The following KREMEN1 variants were observed in gnomAD, a reference collection of about 807,000 sequenced individuals.
KREMEN1 encodes kremen protein 1.
Under a neutral mutation model 46.5 loss-of-function variants are expected in KREMEN1, and 30 were observed. The observed-to-expected ratio is 0.65, with a 90% CI of 0.48 to 0.88. KREMEN1 has a LOEUF of 0.88. Among genes scored for constraint, KREMEN1 ranks in the 40% least tolerant of loss-of-function variants. KREMEN1 has a pLI of 0.00. For missense variants in KREMEN1, 533 were observed against 596.9 expected, an observed-to-expected ratio of 0.89 and a Z score of 1.11; for synonymous variants, 214 against 230.6, an observed-to-expected ratio of 0.93 and a Z score of 0.65.
intron 3 of KREMEN1, among the ~76,000 whole-genome samples, chr22:29,101,636 T>C (rs1336930757): frequency 6.6e-6 from 1 of 152,238 alleles, no homozygotes. Context: ...GTATTTGTAC[T>C]GTACCTTTTC....
chr22:29,084,189 A>C (rs2037698428), intron 1 of KREMEN1, among the ~76,000 whole-genome samples: 1 of 152,156 alleles, frequency 6.6e-6, no homozygotes, highest in South Asian at 2.1e-4. Flanking sequence ...GAGGATGACC[A>C]GAGGTCACTT....
downstream of KREMEN1, among the ~76,000 whole-genome samples, chr22:29,146,982 A>G (rs77828608): frequency 0.018 from 2,671 of 152,194 alleles, 73 homozygotes; most frequent in African/African-American, 0.061. Flanking sequence ...GTCTTGTGAC[A>G]GCTTCGACCC....
chr22:29,135,056 CCTT>C (rs1236152401), intron 5 of KREMEN1, among the ~76,000 whole-genome samples: 2 of 152,182 alleles, frequency 1.3e-5, no homozygotes, highest in African/African-American at 2.4e-5. Flanking sequence ...ATTCCCACAC[CCTT>C]CTTCTCTCCC....
chr22:29,112,121 C>G (rs528568837), intron 3 of KREMEN1, among the ~76,000 whole-genome samples: 5 of 152,168 alleles, frequency 3.3e-5, no homozygotes, highest in African/African-American at 1.2e-4. Context: ...TCTTCCTCTT[C>G]GTGGACCAGC....
chr22:29,152,707 T>C (rs1312156125), intron 9 of KREMEN1, among the ~76,000 whole-genome samples: 2 of 152,068 alleles, frequency 1.3e-5, no homozygotes, highest in East Asian at 3.9e-4. Context: ...AACCTTTCCT[T>C]TTTTTCCTCT....
At chr22:29,101,196 G>A (rs1028779851) in intron 3 of KREMEN1, among the ~76,000 whole-genome samples, 1 of 140,706 alleles carries the variant, frequency 7.1e-6, no homozygotes, top group Admixed American at 7.5e-5. Flanking sequence ...AGATTGCACT[G>A]AGCTGAGATC....
At chr22:29,125,963 G>A (rs1215062477) in intron 5 of KREMEN1, among the ~76,000 whole-genome samples, 4 of 152,048 alleles carry the variant, frequency 2.6e-5, no homozygotes, top group Non-Finnish European at 5.9e-5. Flanking sequence ...GAATGGGAGT[G>A]GATCCAGGGC....
chr22:29,155,250 G>A (rs1390030747), intron 9 of KREMEN1, among the ~76,000 whole-genome samples: 1 of 152,180 alleles, frequency 6.6e-6, no homozygotes, highest in East Asian at 1.9e-4. Context: ...GAAGACAGGA[G>A]GAGGCCAGGG....
intron 3 of KREMEN1, among the ~76,000 whole-genome samples, chr22:29,106,225 T>C (rs950727496): frequency 6.6e-6 from 1 of 151,828 alleles, no homozygotes; most frequent in African/African-American, 2.4e-5. Context: ...TATCTTTTTT[T>C]TTTTTTTCTT....
intron 9 of KREMEN1, among the ~76,000 whole-genome samples, chr22:29,165,576 A>T (rs2039046249): frequency 6.6e-6 from 1 of 152,176 alleles, no homozygotes; most frequent in African/African-American, 2.4e-5. Context: ...GTGTTACTTC[A>T]TGATCCTGTT....
chr22:29,136,900 G>C (rs994513076), intron 5 of KREMEN1, among the ~76,000 whole-genome samples: 2 of 152,148 alleles, frequency 1.3e-5, no homozygotes, highest in Non-Finnish European at 2.9e-5. Flanking sequence ...TTACCTCATC[G>C]GGTGGCTTCC....
chr22:29,153,719 G>T (rs2038936550), intron 9 of KREMEN1, among the ~76,000 whole-genome samples: 1 of 151,986 alleles, frequency 6.6e-6, no homozygotes, highest in Admixed American at 6.5e-5. Context: ...GGTGGCTCAT[G>T]CCTATAATCC....
Position 29,073,292 on chromosome 22 carries a change from G to A in KREMEN1, c.97+65G>A. The A allele has an allele frequency of 4.2e-6, 3 of 711,956 alleles. No individual in the cohort carries two copies. The highest frequency in any genetic ancestry group is 3.7e-6 in the Non-Finnish European group (2 of 540,036). 44.1% of individuals were successfully genotyped at this position (711,956 alleles called of 1,614,324 possible). A position where few individuals can be genotyped will look rare whatever the true frequency, so the allele number is the denominator to read the frequency against. ...GCCCACTCGAGGGGCGACAAGGGCC[G>A]GCCGGCCTGAGAGCCCCCTCCCTCC... is the stretch of plus-strand genomic sequence containing the variant. On this transcript the variant is annotated intron_variant, in intron 1 of 8. Transcript: ENST00000400335. This position sits in a 1 kb window ranked among gnomAD's most constrained non-coding sequence, Gnocchi z 4.4.
chr22:29,165,298 G>C (rs564506860), intron 9 of KREMEN1, among the ~76,000 whole-genome samples: 27 of 152,006 alleles, frequency 1.8e-4, no homozygotes, highest in Admixed American at 5.2e-4. Flanking sequence ...TAGTCCTCCG[G>C]AGGCTGAGAC....
intron 6 of KREMEN1, 135 bp from the exon 7 acceptor site, chr22:29,138,489 G>A: frequency 2.3e-6 from 2 of 861,738 alleles, no homozygotes; most frequent in Non-Finnish European, 3.8e-6. Context: ...GGGCTGGTGG[G>A]ACCCACCTAT....
At chr22:29,121,330 A>T (rs995576531) in intron 3 of KREMEN1, 27 bp from the exon 4 acceptor site, 1 of 1,611,932 alleles carries the variant, frequency 6.2e-7, no homozygotes, top group Admixed American at 1.7e-5. Context: ...ATGTTGCGAA[A>T]TTCTTTTGTT....
chr22:29,141,209 A>G (rs1168963695), intron 8 of KREMEN1, among the ~76,000 whole-genome samples: 1 of 150,118 alleles, frequency 6.7e-6, no homozygotes, highest in Non-Finnish European at 1.5e-5. Flanking sequence ...TGAAATTTTT[A>G]GTGGAAATAA....
chr22:29,116,389 T>C (rs931760251), intron 3 of KREMEN1, among the ~76,000 whole-genome samples: 3 of 152,198 alleles, frequency 2.0e-5, no homozygotes, highest in African/African-American at 7.2e-5. Context: ...GTGATTGCCT[T>C]TGGGGGCAAG....
At chr22:29,141,908 C>A in intron 8 of KREMEN1, 36 bp from the exon 9 acceptor site, 1 of 1,512,206 alleles carries the variant, frequency 6.6e-7, no homozygotes, top group Non-Finnish European at 8.9e-7. Context: ...TTGCGTTGTT[C>A]TAATCTATTG....
Sources: allele counts gnomAD v4.1 joint callset (sites outside exome capture counted in the v4.1 genomes callset), GRCh38; gene constraint gnomAD v4.1.1; non-coding constraint Gnocchi (gnomAD v3.1); transcripts MANE v1.5; gene names NCBI Gene and HGNC (gene_info 2026-07-23, HGNC 2026-07-21).